The following RBM6 variants were observed in gnomAD, a reference collection of about 807,000 sequenced individuals.
The protein encoded by RBM6 is RNA binding motif protein 6, also known as RNA-binding protein 6.
Under a neutral mutation model 140.4 loss-of-function variants are expected in RBM6, and 23 were observed. That is an observed-to-expected ratio of 0.16 (90% CI 0.12 to 0.23). The LOEUF is 0.23. Among genes scored for constraint, RBM6 ranks in the 10% least tolerant of loss-of-function variants. RBM6 has a pLI of 1.00. For missense variants in RBM6, 1,139 were observed against 1,386.7 expected, an observed-to-expected ratio of 0.82 and a Z score of 2.84; for synonymous variants, 439 against 475.6, an observed-to-expected ratio of 0.92 and a Z score of 1.00.
intron 5 of RBM6, among the ~76,000 whole-genome samples, chr3:49,981,865 T>C (rs2085318945): frequency 1.3e-5 from 2 of 152,246 alleles, no homozygotes; most frequent in Non-Finnish European, 2.9e-5. Flanking sequence ...ACGTAGTATA[T>C]AAGCTTGCTG....
chr3:49,963,982 C>G (rs1476266278), intron 2 of RBM6, among the ~76,000 whole-genome samples: 1 of 152,106 alleles, frequency 6.6e-6, no homozygotes, highest in Admixed American at 6.6e-5. Context: ...CTCACTGCAG[C>G]CTTTGCCTCC....
rs556083158 is a variant in RBM6, at chr3:50,019,779, G to A, written c.1557+20266G>A. On this transcript the variant is annotated intron_variant, in intron 6 of 20. Transcript: ENST00000266022. ...TATCAAGTTGAGGAGGTTCCCCTCT[G>A]TTCCTAGTTTGCTGAGAGGTTTTTT... Among the ~76,000 whole-genome samples the A allele has an allele frequency of 5.6e-4, 85 of 152,000 alleles. No individual in the cohort carries two copies. The South Asian group carries it at 8.7e-3, about 16-fold the overall frequency.
At chr3:50,042,282 C>T (rs1432544125) in intron 6 of RBM6, among the ~76,000 whole-genome samples, 3 of 152,158 alleles carry the variant, frequency 2.0e-5, no homozygotes, top group South Asian at 2.1e-4. Context: ...TACTGTTTAT[C>T]GCTTTCTGTG....
At position 49,951,228 on chromosome 3, in the gene RBM6, T is replaced by C. The variant is rs145384477; in HGVS notation, c.-67+11003T>C. ...ACTATTTCTTTTTGTTTGTTTGTTT[T>C]TTGAGATGGGGTCTTGCTCTGTTGC... On this transcript the variant is annotated intron_variant, in intron 1 of 20. Coordinates refer to ENST00000266022, the MANE Select transcript of RBM6 (RefSeq NM_005777.3). Among the ~76,000 whole-genome samples the C allele has an allele frequency of 2.8e-3, 429 of 152,330 alleles. 1 individual carries two copies. The highest frequency in any genetic ancestry group is 9.8e-3 in the African/African-American group (406 of 41,588).
chr3:49,942,039 T>G (rs1184369796), intron 1 of RBM6, among the ~76,000 whole-genome samples: 1 of 150,336 alleles, frequency 6.7e-6, no homozygotes, highest in Non-Finnish European at 1.5e-5. Flanking sequence ...AGGTAGAGGT[T>G]GTAGTAAGGG....
chr3:50,025,414 C>T (rs2087742624), intron 6 of RBM6, among the ~76,000 whole-genome samples: 1 of 151,350 alleles, frequency 6.6e-6, no homozygotes, highest in African/African-American at 2.4e-5. Flanking sequence ...CAGAGCGAGA[C>T]TCTATCTCAA....
intron 6 of RBM6, among the ~76,000 whole-genome samples, chr3:50,025,007 A>C (rs1441783395): frequency 2.0e-5 from 3 of 150,960 alleles, no homozygotes; most frequent in Non-Finnish European, 4.4e-5. Flanking sequence ...CAAAAAACAA[A>C]AAACAAGAAA....
At chr3:50,040,592 A>AT (rs2088859026) in intron 6 of RBM6, among the ~76,000 whole-genome samples, 1 of 149,366 alleles carries the variant, frequency 6.7e-6, no homozygotes, top group African/African-American at 2.5e-5. Context: ...ATACATATAT[A>AT]TGTGTATATT....
At position 49,942,942 on chromosome 3, in the gene RBM6, G is replaced by A. The variant is rs1378602150; in HGVS notation, c.-67+2717G>A. On this transcript the variant is annotated intron_variant, in intron 1 of 20. Coordinates refer to ENST00000266022, the MANE Select transcript of RBM6 (RefSeq NM_005777.3). ...CCTCTTAATCTCTAATCTACTTTGTGTCTGTCTGTGAGTGTGCTTGTTCTA... is the reference window on the plus strand; with the variant it reads ...CCTCTTAATCTCTAATCTACTTTGTATCTGTCTGTGAGTGTGCTTGTTCTA... 2.6e-5 allele frequency among the ~76,000 whole-genome samples: 4 copies of A among 152,144 alleles called. No homozygotes were observed. In the East Asian group the frequency reaches 7.7e-4, roughly 29 times the overall value.
chr3:50,061,107 GTTCTGTAATTTT>G (rs1468375991), intron 12 of RBM6, 21 bp from the exon 13 acceptor site: 1 of 1,613,926 alleles, frequency 6.2e-7, no homozygotes, highest in Admixed American at 1.7e-5. Flanking sequence ...CCATTGGATA[GTTCTGTAATTTT>G]AACTTGCCTT....
At chr3:50,018,791 A>T (rs1270035046) in intron 6 of RBM6, among the ~76,000 whole-genome samples, 1 of 151,856 alleles carries the variant, frequency 6.6e-6, no homozygotes, top group East Asian at 1.9e-4. Flanking sequence ...GGGTTTCAAC[A>T]TGTTGGCCAG....
intron 8 of RBM6, 42 bp from the exon 9 acceptor site, chr3:50,057,683 TTTG>T: frequency 6.6e-7 from 1 of 1,513,726 alleles, no homozygotes; most frequent in Non-Finnish European, 8.9e-7. Flanking sequence ...TTTTTTTTTT[TTTG>T]ATAAAGCTTT....
At chr3:50,014,327 A>C (rs2087005872) in intron 6 of RBM6, among the ~76,000 whole-genome samples, 1 of 152,188 alleles carries the variant, frequency 6.6e-6, no homozygotes, top group African/African-American at 2.4e-5. Flanking sequence ...GACCAGAATA[A>C]GTTCTTTAAA....
chr3:50,016,039 C>T (rs1247014433), intron 6 of RBM6, among the ~76,000 whole-genome samples: 2 of 152,160 alleles, frequency 1.3e-5, no homozygotes, highest in Non-Finnish European at 2.9e-5. Context: ...ACTTCTTCCT[C>T]CTGTCTGACT....
At chr3:49,986,797 T>C (rs1422138269) in intron 5 of RBM6, among the ~76,000 whole-genome samples, 1 of 150,664 alleles carries the variant, frequency 6.6e-6, no homozygotes, top group Admixed American at 6.6e-5. Context: ...CTCTTCTCTT[T>C]TCTTTTCTTT....
intron 15 of RBM6, among the ~76,000 whole-genome samples, chr3:50,063,455 T>C (rs1301895175): frequency 1.3e-5 from 2 of 151,716 alleles, no homozygotes; most frequent in Non-Finnish European, 2.9e-5. Context: ...CAAAAAAAAT[T>C]AGCCTACTGT....
chr3:49,970,866 A>G (rs1375719033), intron 3 of RBM6, among the ~76,000 whole-genome samples: 4 of 152,090 alleles, frequency 2.6e-5, no homozygotes, highest in Non-Finnish European at 4.4e-5. Flanking sequence ...ACAGTGGCTC[A>G]TGCCTGTAAT....
At chr3:49,969,315 G>T (rs1207092601) in intron 3 of RBM6, among the ~76,000 whole-genome samples, 1 of 145,924 alleles carries the variant, frequency 6.9e-6, no homozygotes, top group Non-Finnish European at 1.5e-5. Context: ...GAGCCACCGT[G>T]CCTGGCCAGT....
At chr3:50,065,913 G>A (rs2090105879) in intron 16 of RBM6, among the ~76,000 whole-genome samples, 1 of 152,138 alleles carries the variant, frequency 6.6e-6, no homozygotes, top group Admixed American at 6.5e-5. Flanking sequence ...CCCTCCATGA[G>A]TTACAGTAAT....
Sources: gnomAD v4.1 joint callset for allele counts (sites outside exome capture counted in the v4.1 genomes callset) on GRCh38, gnomAD v4.1.1 for gene constraint, MANE v1.5 for transcripts, NCBI Gene and HGNC (gene_info 2026-07-23, HGNC 2026-07-21) for gene names.